The following WDFY4 variants were observed in gnomAD, a reference collection of about 807,000 sequenced individuals.
WDFY4 encodes WDFY family member 4, also known as WD repeat- and FYVE domain-containing protein 4.
In WDFY4, 169 loss-of-function variants were observed where a neutral mutation model predicts 351.9. That is an observed-to-expected ratio of 0.48 (90% CI 0.42 to 0.55). The LOEUF (loss-of-function observed/expected upper bound fraction) is 0.55, where lower values mean the gene tolerates loss of function less well. WDFY4 is among the 20% of genes least tolerant of loss of function. The pLI is 0.00. For synonymous variants in WDFY4, 1,622 were observed against 1,574.6 expected (o/e 1.03, Z -0.71); for missense variants, 3,803 against 3,935.6 (o/e 0.97, Z 0.90).
chr10:48,871,180 C>G (rs1042460582), intron 40 of WDFY4, among the ~76,000 whole-genome samples: 2 of 152,172 alleles, frequency 1.3e-5, no homozygotes, highest in Non-Finnish European at 2.9e-5. Context: ...CGTGATCCGC[C>G]TGCCTCAGCC....
chr10:48,776,664 G>GGT, intron 15 of WDFY4, 86 bp from the exon 16 acceptor site: 4 of 1,280,370 alleles, frequency 3.1e-6, no homozygotes, highest in Admixed American at 2.8e-5. Context: ...TTTCTGGGCT[G>GGT]CGGCAGATAC....
At chr10:48,708,745 C>A (rs1036623986) in intron 1 of WDFY4, among the ~76,000 whole-genome samples, 1 of 152,052 alleles carries the variant, frequency 6.6e-6, no homozygotes, top group Non-Finnish European at 1.5e-5. Context: ...AAACACTGCT[C>A]CTGTGTGCAC....
chr10:48,967,053 G>A (rs1842117631), intron 55 of WDFY4: 1 of 173,526 alleles, frequency 5.8e-6, no homozygotes, highest in Non-Finnish European at 1.2e-5. Context: ...AGAGTCCCAA[G>A]TTTCACAAGG....
intron 52 of WDFY4, 136 bp from the exon 53 acceptor site, chr10:48,959,586 G>A: frequency 1.3e-6 from 1 of 771,392 alleles, no homozygotes; most frequent in Non-Finnish European, 2.1e-6. Flanking sequence ...ATTGAAAGCA[G>A]CATGGTCTGC....
At chr10:48,948,867 A>G (rs1463602359) in intron 51 of WDFY4, among the ~76,000 whole-genome samples, 3 of 152,224 alleles carry the variant, frequency 2.0e-5, no homozygotes, top group Non-Finnish European at 4.4e-5. Flanking sequence ...AGCTAATTTA[A>G]GGCAGTCTGG....
chr10:48,972,325 C>T (rs549938827), intron 57 of WDFY4, among the ~76,000 whole-genome samples: 10 of 152,312 alleles, frequency 6.6e-5, no homozygotes, highest in African/African-American at 2.2e-4. Flanking sequence ...GTTAAAGAGA[C>T]ATTTTAAAAT....
intron 18 of WDFY4, among the ~76,000 whole-genome samples, 174 bp from the exon 19 acceptor site, chr10:48,779,767 C>A (rs1177712415): frequency 6.6e-6 from 1 of 152,208 alleles, no homozygotes; most frequent in Non-Finnish European, 1.5e-5. Flanking sequence ...AAAGGAAGAG[C>A]TCAAAGAATG....
intron 51 of WDFY4, among the ~76,000 whole-genome samples, chr10:48,949,289 G>A (rs947192900): frequency 6.6e-6 from 1 of 152,162 alleles, no homozygotes; most frequent in African/African-American, 2.4e-5. Context: ...CACCTGGCCC[G>A]AGCCTTTGAA....
chr10:48,794,340 G>A (rs1028498572), intron 23 of WDFY4, among the ~76,000 whole-genome samples: 4 of 152,110 alleles, frequency 2.6e-5, no homozygotes, highest in Admixed American at 6.6e-5. Flanking sequence ...AGGTGGCGCT[G>A]GAAAGGAGCC....
At chr10:48,840,334 G>A (rs1011208790) in intron 39 of WDFY4, among the ~76,000 whole-genome samples, 6 of 151,700 alleles carry the variant, frequency 4.0e-5, no homozygotes, top group African/African-American at 1.5e-4. Flanking sequence ...GTGGGGAGGG[G>A]CTCCATTATC....
chr10:48,783,439 T>C (rs1341762599), intron 19 of WDFY4, among the ~76,000 whole-genome samples: 2 of 151,872 alleles, frequency 1.3e-5, no homozygotes, highest in South Asian at 2.1e-4. Context: ...CCCCCAGATA[T>C]GCAGGGCCAA....
At chr10:48,898,756 A>C (rs867344675) in intron 45 of WDFY4, among the ~76,000 whole-genome samples, 1 of 152,130 alleles carries the variant, frequency 6.6e-6, no homozygotes, top group African/African-American at 2.4e-5. Context: ...ATTTTGCCTG[A>C]GCTTCCTGAG....
chr10:48,946,285 G>T, intron 50 of WDFY4, 128 bp downstream of exon 50: 2 of 733,214 alleles, frequency 2.7e-6, no homozygotes, highest in South Asian at 1.8e-5. Context: ...ACTCTAACCT[G>T]GTGGTAGGAA....
rs191806304 is a variant in WDFY4 at position 48,739,785 on chromosome 10, T to C, written c.1879-3183T>C. Among the ~76,000 whole-genome samples the C allele has an allele frequency of 6.3e-3, 965 of 152,258 alleles. 3 individuals are homozygous for C. Among genetic ancestry groups the C allele is most frequent in the Non-Finnish European group, 9.6e-3 (656 of 68,014 alleles). ...CAAGAGGAGGAAAAGAAAATAACCA[T>C]CTAGGAATTATAGGTGACAAACCCA... On this transcript the variant is annotated intron_variant, in intron 11 of 61. Transcript: ENST00000325239.
chr10:48,774,345 TG>T, intron 13 of WDFY4, 112 bp from the exon 14 acceptor site: 2 of 1,082,192 alleles, frequency 1.8e-6, no homozygotes, highest in South Asian at 1.4e-5. Context: ...TGGGGTATGG[TG>T]GGCGCAGTCT....
At chr10:48,941,518 A>G (rs1840763429) in intron 47 of WDFY4, among the ~76,000 whole-genome samples, 2 of 152,186 alleles carry the variant, frequency 1.3e-5, no homozygotes, top group South Asian at 4.1e-4. Flanking sequence ...GAGGCCCCCA[A>G]GCCTGAGGCT....
intron 1 of WDFY4, among the ~76,000 whole-genome samples, chr10:48,705,779 CG>C (rs2132177136): frequency 6.6e-6 from 1 of 152,296 alleles, no homozygotes; most frequent in Admixed American, 6.5e-5. Context: ...GAGAGCTGGG[CG>C]GTTTCTGATC....
intron 53 of WDFY4, among the ~76,000 whole-genome samples, chr10:48,960,969 C>T (rs756178197): frequency 1.3e-5 from 2 of 152,030 alleles, no homozygotes; most frequent in Non-Finnish European, 2.9e-5. Context: ...CTTTTTGAGC[C>T]GAGGGAAACG....
intron 19 of WDFY4, 132 bp from the exon 20 acceptor site, chr10:48,786,507 T>A: frequency 1.5e-6 from 1 of 666,800 alleles, no homozygotes; most frequent in Non-Finnish European, 2.3e-6. Context: ...GAGAATTATA[T>A]TTTAGTTTTT....
Sources: allele counts gnomAD v4.1 joint callset (sites outside exome capture counted in the v4.1 genomes callset), GRCh38; gene constraint gnomAD v4.1.1; transcripts MANE v1.5; gene names NCBI Gene and HGNC (gene_info 2026-07-23, HGNC 2026-07-21).